Variants in PIEZO2 observed in about 807,000 individuals in gnomAD.
PIEZO2 encodes the protein piezo type mechanosensitive ion channel component 2.
A neutral mutation model predicts 337.3 loss-of-function variants in PIEZO2; 172 were observed. The observed-to-expected ratio is 0.51, with a 90% CI of 0.45 to 0.58. The LOEUF (loss-of-function observed/expected upper bound fraction) is 0.58. Among genes scored for constraint, PIEZO2 ranks in the 20% least tolerant of loss-of-function variants. PIEZO2 has a pLI of 0.00. For missense variants in PIEZO2, 3,028 were observed against 3,391.3 expected (o/e 0.89, Z 2.66); for synonymous variants, 1,251 against 1,228.5 (o/e 1.02, Z -0.38).
At chr18:10,709,229 C>T (rs2035717147) in intron 39 of PIEZO2, 1 of 152,198 alleles carries the variant, frequency 6.6e-6, no homozygotes, top group Admixed American at 6.5e-5. Context: ...GCCTAAAGCC[C>T]TCATCTCCTG....
At position 10,767,665 on chromosome 18, in the gene PIEZO2, G is replaced by T. The variant is rs1411009719; in HGVS notation, c.2946+2483C>A. 1.3e-5 allele frequency among the ~76,000 whole-genome samples: 2 copies of T among 152,168 alleles called. No homozygotes were observed. The highest frequency in any genetic ancestry group is 4.8e-5 in the African/African-American group (2 of 41,434). ...ACAGGGTGCAGAGTCTCTTTGCTGG[G>T]CTCCATGTGTACAAGCAGAGCAGGG... On this transcript the variant is annotated intron_variant, in intron 21 of 55. Coordinates refer to ENST00000674853, the MANE Select transcript of PIEZO2 (RefSeq NM_001378183.1). This position sits in a 1 kb window ranked among gnomAD's most constrained non-coding sequence, Gnocchi z 4.2.
chr18:10,756,200 G>T (rs929787552), intron 27 of PIEZO2, among the ~76,000 whole-genome samples: 1 of 150,068 alleles, frequency 6.7e-6, no homozygotes, highest in African/African-American at 2.5e-5. Flanking sequence ...GAGGCAAAGG[G>T]GATAAGGAGG....
At chr18:11,117,535 A>G (rs1359357011) in intron 1 of PIEZO2, among the ~76,000 whole-genome samples, 1 of 152,240 alleles carries the variant, frequency 6.6e-6, no homozygotes, top group Non-Finnish European at 1.5e-5. Flanking sequence ...ACTGATTTAC[A>G]TAATTTCAAT....
rs1005806733 is a variant in PIEZO2, at chr18:10,773,292, C to A, written c.2785+120G>T. On this transcript the variant is annotated intron_variant, in intron 20 of 55. Coordinates refer to ENST00000674853, the MANE Select transcript of PIEZO2 (RefSeq NM_001378183.1). This position sits in a 1 kb window ranked among gnomAD's most constrained non-coding sequence, Gnocchi z 5.3. ...AACTATAGCAATCAAACAAAAACCA[C>A]TCCAATTTTTATGTCATGGACTGGG... 51 of 1,025,498 alleles carry A rather than the reference C, an allele frequency of 5.0e-5. No individual in the cohort carries two copies. The Middle Eastern group carries it at 8.2e-4, about 16-fold the overall frequency. The allele number at this position is 1,025,498 out of a possible 1,614,324, so 63.5% of individuals were successfully genotyped here.
intron 1 of PIEZO2, among the ~76,000 whole-genome samples, chr18:11,144,316 T>C (rs1254506431): frequency 6.6e-6 from 1 of 152,242 alleles, no homozygotes; most frequent in African/African-American, 2.4e-5. Flanking sequence ...CTGAACTTGA[T>C]AAATAGTATC....
chr18:10,909,232 C>A (rs1385856200), intron 4 of PIEZO2, among the ~76,000 whole-genome samples: 5 of 152,108 alleles, frequency 3.3e-5, no homozygotes, highest in African/African-American at 1.2e-4. Flanking sequence ...ATTAGAATAA[C>A]AAACAATATT....
Position 10,675,238 on chromosome 18 carries a change from T to A in PIEZO2, c.8132A>T (p.Asn2711Ile), listed in dbSNP as rs749822379. The A allele has an allele frequency of 6.4e-7, 1 of 1,554,422 alleles. No homozygotes were observed. Among genetic ancestry groups the A allele is most frequent in the South Asian group, 1.2e-5 (1 of 82,606 alleles). The change falls in exon 54 of 56, where the codon AAC becomes ATC. Residue 2711 changes from asparagine (N) to isoleucine (I), a missense_variant. Transcript: ENST00000674853. The part of the protein sequence containing the change: ...PYYVKAPSDS[N>I]SKPIKQLLSE... ...TAAAAGTTGCTTTATAGGTTTTGAGTTAGAATCACTAGGTGCTTTCACATA... is the reference window on the plus strand; with the variant it reads ...TAAAAGTTGCTTTATAGGTTTTGAGATAGAATCACTAGGTGCTTTCACATA...
At chr18:10,700,505 T>C (rs2035286078) in intron 43 of PIEZO2, among the ~76,000 whole-genome samples, 1 of 151,972 alleles carries the variant, frequency 6.6e-6, no homozygotes, top group Non-Finnish European at 1.5e-5. Flanking sequence ...ATAAGATCAA[T>C]ATGAAACACC....
rs1378685536 is a variant in PIEZO2 at position 10,850,432 on chromosome 18, C to T, written c.917+4921G>A. ...ATCCTCCAGCAGAAGCAAGCACCCCCACAGCCCTGCAAAGGCTCTTTCACA... is the reference window on the plus strand; with the variant it reads ...ATCCTCCAGCAGAAGCAAGCACCCCTACAGCCCTGCAAAGGCTCTTTCACA... On this transcript the variant is annotated intron_variant, in intron 7 of 55. Transcript: ENST00000674853. This position sits in a 1 kb window ranked among gnomAD's most constrained non-coding sequence, Gnocchi z 4.5. Among the ~76,000 whole-genome samples, 2 of 152,186 alleles carry T rather than the reference C, an allele frequency of 1.3e-5. No homozygotes were observed. Among genetic ancestry groups the T allele is most frequent in the Non-Finnish European group, 2.9e-5 (2 of 68,044 alleles).
intron 36 of PIEZO2, among the ~76,000 whole-genome samples, chr18:10,720,142 C>T (rs985204647): frequency 1.3e-5 from 2 of 149,174 alleles, no homozygotes; most frequent in African/African-American, 5.0e-5. Flanking sequence ...TATACTTAAG[C>T]TAAACATTAT....
At chr18:10,918,129 A>G (rs1244837242) in intron 3 of PIEZO2, among the ~76,000 whole-genome samples, 6 of 152,190 alleles carry the variant, frequency 3.9e-5, no homozygotes, top group Non-Finnish European at 7.3e-5. Context: ...ATACCCAAGG[A>G]ATACAATTTT....
chr18:10,998,838 C>G (rs1368228167), intron 2 of PIEZO2, among the ~76,000 whole-genome samples: 1 of 139,076 alleles, frequency 7.2e-6, no homozygotes. Context: ...TTATTTATTT[C>G]TGATATATTT....
At position 10,827,692 on chromosome 18, in the gene PIEZO2, C is replaced by T. The variant is rs572271974; in HGVS notation, c.918-20418G>A. Reference sequence around the variant, plus strand: ...AGAAAAGGGCATGAACCATTGGCATCGTCTTTCAATCATTTCAACTACAGA... The same window carrying T: ...AGAAAAGGGCATGAACCATTGGCATTGTCTTTCAATCATTTCAACTACAGA... On this transcript the variant is annotated intron_variant, in intron 7 of 55. Coordinates refer to ENST00000674853, the MANE Select transcript of PIEZO2 (RefSeq NM_001378183.1). Among the ~76,000 whole-genome samples, 9 of 152,282 alleles carry T rather than the reference C, an allele frequency of 5.9e-5. No homozygotes were observed. In the South Asian group the frequency reaches 1.2e-3, roughly 21 times the overall value.
At chr18:10,721,094 C>T (rs1329081573) in intron 36 of PIEZO2, among the ~76,000 whole-genome samples, 1 of 152,136 alleles carries the variant, frequency 6.6e-6, no homozygotes, top group Non-Finnish European at 1.5e-5. Flanking sequence ...ACTTATCTTG[C>T]CTACCAGTTA....
At position 11,135,533 on chromosome 18, in the gene PIEZO2, C is replaced by T. The variant is rs118002545; in HGVS notation, c.64+12992G>A. On this transcript the variant is annotated intron_variant, in intron 1 of 55. Transcript: ENST00000674853. The stretch of plus-strand genomic sequence containing the variant: ...AGCTATAAAACATTACAGTTTGGTT[C>T]ACGTTGCAGATTGATTGATTGATTG... Among the ~76,000 whole-genome samples the T allele has an allele frequency of 9.1e-4, 139 of 152,272 alleles. 1 individual carries two copies. The East Asian group carries it at 0.025, about 27-fold the overall frequency.
At chr18:10,698,781 ATTTCAAAGCCC>A (rs2035209227) in intron 44 of PIEZO2, 133 bp downstream of exon 44, 1 of 1,137,006 alleles carries the variant, frequency 8.8e-7, no homozygotes, top group Non-Finnish European at 1.2e-6. Flanking sequence ...GGTTTCTCTG[ATTTCAAAGCCC>A]TTTCTTTTCA....
chr18:10,827,265 A>G (rs924276740), intron 7 of PIEZO2, among the ~76,000 whole-genome samples: 2 of 152,154 alleles, frequency 1.3e-5, no homozygotes, highest in Non-Finnish European at 2.9e-5. Flanking sequence ...CGCCACTATA[A>G]TTTTAAAGGT....
chr18:10,836,660 C>T (rs1360490570), intron 7 of PIEZO2, among the ~76,000 whole-genome samples: 1 of 152,192 alleles, frequency 6.6e-6, no homozygotes, highest in East Asian at 1.9e-4. Context: ...CTGGCTACAA[C>T]GATATCATTA....
At chr18:10,997,265 A>C (rs1480456271) in intron 2 of PIEZO2, among the ~76,000 whole-genome samples, 1 of 152,102 alleles carries the variant, frequency 6.6e-6, no homozygotes, top group Non-Finnish European at 1.5e-5. Context: ...AAAAGAAAGA[A>C]AGAAAGAGAC....
Sources: allele counts gnomAD v4.1 joint callset (sites outside exome capture counted in the v4.1 genomes callset), GRCh38; gene constraint gnomAD v4.1.1; non-coding constraint Gnocchi (gnomAD v3.1); transcripts MANE v1.5; gene names NCBI Gene and HGNC (gene_info 2026-07-23, HGNC 2026-07-21).